Variants in PHLPP2 observed in about 807,000 individuals in gnomAD.
PHLPP2 encodes the protein PH domain and leucine rich repeat protein phosphatase 2, also known as PH domain leucine-rich repeat-containing protein phosphatase 2.
In PHLPP2, 66 loss-of-function variants were observed where a neutral mutation model predicts 124.9. That is an observed-to-expected ratio of 0.53 (90% CI 0.43 to 0.65). The LOEUF is 0.65. Among genes scored for constraint, PHLPP2 ranks in the 30% least tolerant of loss-of-function variants. The probability of loss-of-function intolerance (pLI) is 0.00; values close to 1 mark genes in which losing one functional copy is unlikely to be tolerated. For missense variants in PHLPP2, 1,685 were observed against 1,600.4 expected (o/e 1.05, Z -0.90); for synonymous variants, 681 against 624.7 (o/e 1.09, Z -1.34).
chr16:71,709,571 T>G (rs1345578320), intron 2 of PHLPP2, among the ~76,000 whole-genome samples: 1 of 152,246 alleles, frequency 6.6e-6, no homozygotes. Context: ...AGGCAATGAT[T>G]ACACTAAGCT....
At chr16:71,691,304 C>A (rs937236903) in intron 3 of PHLPP2, among the ~76,000 whole-genome samples, 1 of 151,430 alleles carries the variant, frequency 6.6e-6, no homozygotes, top group African/African-American at 2.4e-5. Flanking sequence ...AATACAAAAA[C>A]AAAAAAATTA....
chr16:71,702,183 C>T (rs1597013523), intron 3 of PHLPP2, among the ~76,000 whole-genome samples: 1 of 152,086 alleles, frequency 6.6e-6, no homozygotes, highest in East Asian at 1.9e-4. Context: ...CTAAATTCAC[C>T]AATATACAAA....
At chr16:71,658,082 T>C (rs1195578614) in intron 15 of PHLPP2, 151 bp downstream of exon 15, 2 of 614,258 alleles carry the variant, frequency 3.3e-6, no homozygotes, top group African/African-American at 3.7e-5. Context: ...CATCTATTCA[T>C]AACTTAATCA....
Position 71,646,680 on chromosome 16 carries a change from A to G in PHLPP2, c.*2210T>C, listed in dbSNP as rs2044655360. 8.7e-6 allele frequency: 1 copy of G among 115,462 alleles called. No homozygotes were observed. The highest frequency in any genetic ancestry group is 2.9e-5 in the African/African-American group (1 of 34,138). 7.2% of individuals were successfully genotyped at this position (115,462 alleles called of 1,614,324 possible). On this transcript the variant is annotated 3_prime_UTR_variant, in exon 19 of 19. Transcript: ENST00000568954. ...CATCACTCATCACTATCATCCTGTT[A>G]TTTCATTTTCATTTTTTCTTCATTA...
In PHLPP2 at chr16:71,722,877, C is replaced by A. The variant is rs535012390; in HGVS notation, c.-7+1452G>T. On this transcript the variant is annotated intron_variant, in intron 1 of 18. Transcript: ENST00000568954. The stretch of plus-strand genomic sequence containing the variant: ...CCAGTCAGCCTCCCACAACCCCTCC[C>A]TTTAACCATCTTCTCCTCCCCACTA... Among the ~76,000 whole-genome samples the A allele has an allele frequency of 5.9e-5, 9 of 152,342 alleles. No homozygotes were observed. In the South Asian group the frequency reaches 6.2e-4, roughly 11 times the overall value.
chr16:71,699,550 A>G (rs1372019103), intron 3 of PHLPP2, among the ~76,000 whole-genome samples: 1 of 152,188 alleles, frequency 6.6e-6, no homozygotes, highest in African/African-American at 2.4e-5. Flanking sequence ...TCATCATTCA[A>G]TAAAATTCTC....
At chr16:71,685,914 A>G (rs1347113095) in intron 4 of PHLPP2, among the ~76,000 whole-genome samples, 3 of 152,216 alleles carry the variant, frequency 2.0e-5, no homozygotes, top group Non-Finnish European at 2.9e-5. Context: ...TATTCATGGT[A>G]AAATGTTCCT....
At chr16:71,658,880 T>C in intron 13 of PHLPP2, 65 bp from the exon 14 acceptor site, 1 of 1,464,382 alleles carries the variant, frequency 6.8e-7, no homozygotes, top group Non-Finnish European at 9.5e-7. Flanking sequence ...GAAGTGCTAT[T>C]CTACAGCAGC....
intron 9 of PHLPP2, among the ~76,000 whole-genome samples, chr16:71,675,269 ATGT>A (rs1160350524): frequency 6.6e-6 from 1 of 152,180 alleles, no homozygotes; most frequent in Non-Finnish European, 1.5e-5. Context: ...TGAGTATAAA[ATGT>A]TATTATTTAC....
At chr16:71,674,626 T>A (rs559337482) in intron 9 of PHLPP2, among the ~76,000 whole-genome samples, 8 of 152,332 alleles carry the variant, frequency 5.3e-5, no homozygotes, top group Admixed American at 1.3e-4. Context: ...AAAGCTTTAG[T>A]ACATTCATTT....
chr16:71,667,795 A>G (rs1443096288), intron 11 of PHLPP2, among the ~76,000 whole-genome samples: 1 of 152,244 alleles, frequency 6.6e-6, no homozygotes, highest in Non-Finnish European at 1.5e-5. Flanking sequence ...GATTTGCCTA[A>G]GATTTCACAC....
At chr16:71,672,718 A>C (rs1310955353) in intron 9 of PHLPP2, among the ~76,000 whole-genome samples, 2 of 152,250 alleles carry the variant, frequency 1.3e-5, no homozygotes, top group Non-Finnish European at 2.9e-5. Flanking sequence ...TGAACACACT[A>C]GTGGAACCAA....
chr16:71,649,235 G>C lies in PHLPP2; in HGVS notation c.3627C>G (p.Asn1209Lys). ...GCAGGAGCATGCCACTATTCACACTGTTCTGTCTTCGGATCCCAAAACACG... is the reference window on the plus strand; with the variant it reads ...GCAGGAGCATGCCACTATTCACACTCTTCTGTCTTCGGATCCCAAAACACG... ...RGSCFGIRRQNSVNSGMLLPM... is the reference protein window; with the variant it reads ...RGSCFGIRRQKSVNSGMLLPM... The change falls in exon 19 of 19, where the codon AAC becomes AAG. Residue 1209 changes from asparagine to lysine, a missense_variant. Coordinates refer to ENST00000568954, the MANE Select transcript of PHLPP2 (RefSeq NM_015020.3). 6.2e-7 allele frequency: 1 copy of C among 1,613,900 alleles called. No individual in the cohort carries two copies. Among genetic ancestry groups the C allele is most frequent in the Non-Finnish European group, 8.5e-7 (1 of 1,179,864 alleles).
At chr16:71,699,570 C>T (rs1282258904) in intron 3 of PHLPP2, among the ~76,000 whole-genome samples, 1 of 152,160 alleles carries the variant, frequency 6.6e-6, no homozygotes, top group Non-Finnish European at 1.5e-5. Flanking sequence ...CCGCATTCAC[C>T]ATCTTTCAAT....
chr16:71,680,937 T>C (rs2044991413), intron 6 of PHLPP2, among the ~76,000 whole-genome samples: 1 of 152,208 alleles, frequency 6.6e-6, no homozygotes, highest in South Asian at 2.1e-4. Flanking sequence ...ACCTCATTAC[T>C]AAACAGAGGC....
rs536544383 is a variant in PHLPP2, at chr16:71,699,946, G to A, written c.418+2652C>T. Among the ~76,000 whole-genome samples, 10 of 152,124 alleles carry A rather than the reference G, an allele frequency of 6.6e-5. No homozygotes were observed. The South Asian group carries it at 1.2e-3, about 19-fold the overall frequency. ...GAGCACAACAGACCCCAGTGAACAC[G>A]GTTTGTTCCCACCAGCGTCCAATCA... On this transcript the variant is annotated intron_variant, in intron 3 of 18. Transcript: ENST00000568954.
intron 1 of PHLPP2, among the ~76,000 whole-genome samples, chr16:71,720,364 C>T (rs1231850484): frequency 1.3e-5 from 2 of 151,138 alleles, no homozygotes; most frequent in African/African-American, 4.9e-5. Flanking sequence ...ATGATCCACC[C>T]GCCTCGGCCT....
At chr16:71,695,659 G>A (rs941849559) in intron 3 of PHLPP2, among the ~76,000 whole-genome samples, 10 of 151,314 alleles carry the variant, frequency 6.6e-5, no homozygotes, top group South Asian at 6.3e-4. Flanking sequence ...GCAGTGAGCC[G>A]AGGTCATGCC....
chr16:71,699,740 T>C (rs1032780344), intron 3 of PHLPP2, among the ~76,000 whole-genome samples: 3 of 152,186 alleles, frequency 2.0e-5, no homozygotes, highest in Non-Finnish European at 4.4e-5. Flanking sequence ...TGGTAACACA[T>C]TGCCGTCTGC....
Sources: allele counts gnomAD v4.1 joint callset (sites outside exome capture counted in the v4.1 genomes callset), GRCh38; gene constraint gnomAD v4.1.1; transcripts MANE v1.5; gene names NCBI Gene and HGNC (gene_info 2026-07-23, HGNC 2026-07-21).